KCNH7: variants seen among roughly 807,000 people sequenced by gnomAD.
KCNH7 encodes the protein potassium voltage-gated channel subfamily H member 7.
Under a neutral mutation model 120.8 loss-of-function variants are expected in KCNH7, and 49 were observed. That is an observed-to-expected ratio of 0.41 (90% CI 0.32 to 0.51). The LOEUF is 0.51. Among genes scored for constraint, KCNH7 ranks in the 20% least tolerant of loss-of-function variants. The pLI, the probability that KCNH7 is intolerant of heterozygous loss-of-function variation, is 0.38. For synonymous variants in KCNH7, 547 were observed against 516.1 expected (o/e 1.06, Z -0.81); for missense variants, 1,097 against 1,446.6 (o/e 0.76, Z 3.92).
intron 2 of KCNH7, among the ~76,000 whole-genome samples, chr2:162,753,901 A>G (rs551527201): frequency 2.0e-5 from 3 of 151,994 alleles, no homozygotes; most frequent in Non-Finnish European, 4.4e-5. Flanking sequence ...AGTAGCCCAC[A>G]TGGTTTATAA....
At chr2:162,579,882 T>A (rs1187895945) in intron 2 of KCNH7, among the ~76,000 whole-genome samples, 1 of 152,026 alleles carries the variant, frequency 6.6e-6, no homozygotes, top group Non-Finnish European at 1.5e-5. Flanking sequence ...AGCAATGATT[T>A]CTCTTTTCGG....
chr2:162,461,050 A>T (rs1469748204), intron 6 of KCNH7, among the ~76,000 whole-genome samples: 1 of 152,194 alleles, frequency 6.6e-6, no homozygotes, highest in East Asian at 1.9e-4. Flanking sequence ...GAGAATAGAG[A>T]ATTATGTAGA....
chr2:162,753,801 T>C (rs1688694410), intron 2 of KCNH7, among the ~76,000 whole-genome samples: 2 of 152,122 alleles, frequency 1.3e-5, no homozygotes, highest in Admixed American at 6.6e-5. Context: ...TCATTTCCCT[T>C]TCCTGTTTAA....
At chr2:162,569,707 C>G (rs1202672079) in intron 2 of KCNH7, among the ~76,000 whole-genome samples, 7 of 151,992 alleles carry the variant, frequency 4.6e-5, no homozygotes, top group Non-Finnish European at 7.4e-5. Context: ...TTGAATGCAT[C>G]CCATAGATTC....
At chr2:162,507,608 G>A (rs1690925446) in intron 5 of KCNH7, among the ~76,000 whole-genome samples, 1 of 151,466 alleles carries the variant, frequency 6.6e-6, no homozygotes, top group African/African-American at 2.4e-5. Context: ...TAATGTATTA[G>A]AGGATGAATA....
chr2:162,629,184 T>C (rs1033015670), intron 2 of KCNH7, among the ~76,000 whole-genome samples: 1 of 152,110 alleles, frequency 6.6e-6, no homozygotes, highest in Non-Finnish European at 1.5e-5. Context: ...CCCTCATGTA[T>C]GGCCGTGGTG....
intron 2 of KCNH7, among the ~76,000 whole-genome samples, chr2:162,743,034 T>C (rs901306937): frequency 1.3e-5 from 2 of 152,184 alleles, no homozygotes; most frequent in Non-Finnish European, 2.9e-5. Flanking sequence ...CCATATTTGG[T>C]GCTCAGGCTT....
At chr2:162,686,675 G>T (rs780010602) in intron 2 of KCNH7, among the ~76,000 whole-genome samples, 65 of 152,064 alleles carry the variant, frequency 4.3e-4, no homozygotes, top group Non-Finnish European at 8.7e-4. Context: ...TGTCTCCTTC[G>T]AAATGTTTCC....
intron 1 of KCNH7, among the ~76,000 whole-genome samples, chr2:162,838,107 A>G (rs1008715408): frequency 2.6e-5 from 4 of 152,224 alleles, no homozygotes; most frequent in African/African-American, 9.6e-5. Flanking sequence ...CAGAAAGTCT[A>G]CAGTAAAACA....
chr2:162,701,544 C>T (rs1686498912), intron 2 of KCNH7, among the ~76,000 whole-genome samples: 1 of 152,046 alleles, frequency 6.6e-6, no homozygotes, highest in African/African-American at 2.4e-5. Context: ...CAGAAGGGAA[C>T]AGATATGACA....
chr2:162,467,815 A>T (rs993705244), intron 6 of KCNH7, among the ~76,000 whole-genome samples: 2 of 152,176 alleles, frequency 1.3e-5, no homozygotes, highest in African/African-American at 4.8e-5. Context: ...CAGTTGTGGA[A>T]TCTGAGAAGT....
rs546617321 is a variant in KCNH7 at position 162,832,030 on chromosome 2, A to T, written c.307+4507T>A. On this transcript the variant is annotated intron_variant, in intron 2 of 15. Transcript: ENST00000332142. ...AACAATTACAACTGATCAAATTTGAATTCTGGATAACATTCAAAGTCCATG... is the reference window on the plus strand; with the variant it reads ...AACAATTACAACTGATCAAATTTGATTTCTGGATAACATTCAAAGTCCATG... Among the ~76,000 whole-genome samples the T allele has an allele frequency of 5.9e-5, 9 of 152,288 alleles. No individual in the cohort carries two copies. In the South Asian group the frequency reaches 1.4e-3, roughly 25 times the overall value.
chr2:162,567,453 G>C (rs1693295060), intron 2 of KCNH7, among the ~76,000 whole-genome samples: 1 of 151,894 alleles, frequency 6.6e-6, no homozygotes, highest in South Asian at 2.1e-4. Flanking sequence ...CTGTACCCTT[G>C]CTAGGAAGTG....
rs978310594 is a variant in KCNH7 at position 162,757,681 on chromosome 2, GA to G, written c.307+78855del. Among the ~76,000 whole-genome samples the G allele has an allele frequency of 5.3e-5, 8 of 151,358 alleles. No individual in the cohort carries two copies. The East Asian group carries it at 5.8e-4, about 11-fold the overall frequency. ...ATAATCATGCTATAGAGAATGACAT[GA>G]AAAAAAAATTTACCCCTCTATCCTG... On this transcript the variant is annotated intron_variant, in intron 2 of 15. Coordinates refer to ENST00000332142, the MANE Select transcript of KCNH7 (RefSeq NM_033272.4).
intron 2 of KCNH7, among the ~76,000 whole-genome samples, chr2:162,585,509 C>A (rs139650313): frequency 2.7e-3 from 405 of 152,076 alleles, no homozygotes; most frequent in African/African-American, 9.3e-3. Flanking sequence ...TGGGATACAT[C>A]TAATCATGTA....
chr2:162,569,690 C>G (rs1259439098), intron 2 of KCNH7, among the ~76,000 whole-genome samples: 2 of 151,884 alleles, frequency 1.3e-5, no homozygotes, highest in Admixed American at 6.6e-5. Flanking sequence ...TCCCTCTGCA[C>G]ATTGCTTTGA....
chr2:162,791,988 C>T (rs560864317), intron 2 of KCNH7, among the ~76,000 whole-genome samples: 2 of 151,338 alleles, frequency 1.3e-5, no homozygotes, highest in Admixed American at 1.3e-4. Context: ...TTTTTTTTAA[C>T]ATGAAGGGGT....
chr2:162,686,597 G>A lies in KCNH7; in HGVS notation c.308-149517C>T, dbSNP rs77326770. ...CAAATTAGTTCAGCCTTTAGAGAGA[G>A]TCTGGCAGGGGTTCATCTAAATATC... On this transcript the variant is annotated intron_variant, in intron 2 of 15. Transcript: ENST00000332142. 9.1e-3 allele frequency among the ~76,000 whole-genome samples: 1,387 copies of A among 152,228 alleles called. 18 individuals are homozygous for A. Among genetic ancestry groups the A allele is most frequent in the African/African-American group, 0.031 (1,307 of 41,546 alleles).
chr2:162,445,546 G>T (rs765737268), intron 7 of KCNH7, among the ~76,000 whole-genome samples: 5 of 152,112 alleles, frequency 3.3e-5, no homozygotes, highest in Non-Finnish European at 4.4e-5. Context: ...TACACAAAAA[G>T]TACTTTCCAA....
Sources: gnomAD v4.1 joint callset for allele counts (sites outside exome capture counted in the v4.1 genomes callset) on GRCh38, gnomAD v4.1.1 for gene constraint, MANE v1.5 for transcripts, NCBI Gene and HGNC (gene_info 2026-07-23, HGNC 2026-07-21) for gene names.